DIAPH3: variants seen among roughly 807,000 people sequenced by gnomAD.
DIAPH3 encodes the protein protein diaphanous homolog 3.
Under a neutral mutation model 144.3 loss-of-function variants are expected in DIAPH3, and 117 were observed. The ratio of observed to expected loss-of-function variants is 0.81; its 90% CI spans 0.70 to 0.95. The LOEUF is 0.95. Ranked by LOEUF, DIAPH3 falls within the 40% of genes least tolerant of loss-of-function variation. The pLI is 0.00. For missense variants in DIAPH3, 1,421 were observed against 1,412.7 expected (o/e 1.01, Z -0.09); for synonymous variants, 519 against 488.9 (o/e 1.06, Z -0.81).
chr13:59,828,552 C>T (rs952355684), intron 24 of DIAPH3, among the ~76,000 whole-genome samples: 5 of 150,648 alleles, frequency 3.3e-5, no homozygotes, highest in African/African-American at 1.2e-4. Context: ...AGTCTTAGCC[C>T]TACCAACTCT....
intron 20 of DIAPH3, among the ~76,000 whole-genome samples, chr13:59,884,782 A>G (rs1011252320): frequency 5.5e-4 from 2 of 3,664 alleles, no homozygotes; most frequent in African/African-American, 1.0e-3. Flanking sequence ...GAAAGGCTTC[A>G]AAAAAAAAAA....
At chr13:59,829,307 G>T (rs1415810652) in intron 24 of DIAPH3, among the ~76,000 whole-genome samples, 1 of 151,912 alleles carries the variant, frequency 6.6e-6, no homozygotes, top group Non-Finnish European at 1.5e-5. Context: ...TCTTCTATTG[G>T]GAGAGGGGTT....
intron 5 of DIAPH3, among the ~76,000 whole-genome samples, 172 bp downstream of exon 5, chr13:60,042,518 T>A (rs1167474223): frequency 6.6e-6 from 1 of 152,208 alleles, no homozygotes; most frequent in Non-Finnish European, 1.5e-5. Flanking sequence ...CACTCAGTAA[T>A]AAATGCAAAA....
intron 4 of DIAPH3, among the ~76,000 whole-genome samples, chr13:60,046,245 T>C (rs913622449): frequency 6.6e-6 from 1 of 152,190 alleles, no homozygotes. Flanking sequence ...CTTAATGCTT[T>C]AGTTCATTTT....
intron 3 of DIAPH3, among the ~76,000 whole-genome samples, chr13:60,096,600 T>A (rs912398422): frequency 1.3e-5 from 2 of 152,204 alleles, no homozygotes; most frequent in Admixed American, 1.3e-4. Context: ...TGTAAGTCAG[T>A]AAGGACGATC....
chr13:59,758,771 TTC>T (rs1028046618), intron 27 of DIAPH3, among the ~76,000 whole-genome samples: 17 of 151,718 alleles, frequency 1.1e-4, no homozygotes, highest in South Asian at 4.2e-4. Flanking sequence ...GGCAAGAATT[TTC>T]TCTCTCTTTT....
At position 59,991,282 on chromosome 13, in the gene DIAPH3, G is replaced by A. The variant is rs561668977; in HGVS notation, c.1245-8C>T. 1 of 1,539,206 alleles carries A rather than the reference G, an allele frequency of 6.5e-7. No individual in the cohort carries two copies. Among genetic ancestry groups the A allele is most frequent in the African/African-American group, 1.4e-5 (1 of 73,366 alleles). ...TAAACATCATATGCTTCAGTGAGTT[G>A]ATTAAGGAATATATGGATTTATTTA... On this transcript the variant is annotated splice_region_variant and splice_polypyrimidine_tract_variant and intron_variant, in intron 11 of 27. Coordinates refer to ENST00000400324, the MANE Select transcript of DIAPH3 (RefSeq NM_001042517.2).
At chr13:59,973,256 C>A (rs1406105998) in intron 15 of DIAPH3, among the ~76,000 whole-genome samples, 1 of 152,006 alleles carries the variant, frequency 6.6e-6, no homozygotes, top group African/African-American at 2.4e-5. Context: ...TACAAACAAA[C>A]CTTCAACTGA....
chr13:60,039,414 G>A (rs1346685015), intron 5 of DIAPH3, among the ~76,000 whole-genome samples: 1 of 151,592 alleles, frequency 6.6e-6, no homozygotes, highest in African/African-American at 2.4e-5. Context: ...AGGGATTCTC[G>A]TGCTTCAGCT....
chr13:59,946,806 A>C (rs978181031), intron 17 of DIAPH3, among the ~76,000 whole-genome samples: 1 of 152,210 alleles, frequency 6.6e-6, no homozygotes, highest in Non-Finnish European at 1.5e-5. Flanking sequence ...ACAACTTTAA[A>C]ATAAAATGTA....
intron 2 of DIAPH3, among the ~76,000 whole-genome samples, chr13:60,129,817 T>C (rs2059093831): frequency 6.6e-6 from 1 of 152,128 alleles, no homozygotes; most frequent in Non-Finnish European, 1.5e-5. Context: ...ACACCAGAAA[T>C]AGTTTAAAGA....
At chr13:60,060,444 T>C (rs943842753) in intron 4 of DIAPH3, among the ~76,000 whole-genome samples, 2 of 152,072 alleles carry the variant, frequency 1.3e-5, no homozygotes, top group Admixed American at 1.3e-4. Flanking sequence ...AATATTCTCT[T>C]TTATGATTAA....
intron 18 of DIAPH3, among the ~76,000 whole-genome samples, chr13:59,923,610 C>A (rs1426225642): frequency 2.6e-5 from 4 of 152,130 alleles, no homozygotes; most frequent in Non-Finnish European, 5.9e-5. Context: ...CTTCAACCAC[C>A]AATGAAATGC....
chr13:60,025,959 A>G (rs1402798571), intron 5 of DIAPH3, among the ~76,000 whole-genome samples: 1 of 152,224 alleles, frequency 6.6e-6, no homozygotes, highest in Non-Finnish European at 1.5e-5. Context: ...TATGCCTACA[A>G]TCTTGAAGTG....
chr13:59,925,009 A>G (rs2047687769), intron 17 of DIAPH3, 139 bp from the exon 18 acceptor site: 1 of 1,406,906 alleles, frequency 7.1e-7, no homozygotes, highest in Admixed American at 2.7e-5. Context: ...AAATAAAACG[A>G]TAGATATCCC....
intron 1 of DIAPH3, among the ~76,000 whole-genome samples, chr13:60,139,037 C>A (rs971989075): frequency 3.3e-5 from 5 of 152,158 alleles, no homozygotes; most frequent in Non-Finnish European, 7.3e-5. Context: ...ATCTTAACGT[C>A]AACACCAATT....
At chr13:60,085,930 A>C (rs2057731536) in intron 4 of DIAPH3, among the ~76,000 whole-genome samples, 2 of 152,086 alleles carry the variant, frequency 1.3e-5, no homozygotes, top group Non-Finnish European at 2.9e-5. Context: ...GATGAAAACA[A>C]CTCAGTGACA....
chr13:59,763,551 G>T (rs901847304), intron 27 of DIAPH3, among the ~76,000 whole-genome samples: 2 of 152,070 alleles, frequency 1.3e-5, no homozygotes, highest in African/African-American at 4.8e-5. Flanking sequence ...AGGCATGGTG[G>T]TACGTGCCTG....
chr13:59,775,577 G>A (rs1454439872), intron 25 of DIAPH3, among the ~76,000 whole-genome samples: 1 of 152,124 alleles, frequency 6.6e-6, no homozygotes, highest in Non-Finnish European at 1.5e-5. Flanking sequence ...AGATTCTGCT[G>A]TCTAAACTTA....
Sources: gnomAD v4.1 joint callset for allele counts (sites outside exome capture counted in the v4.1 genomes callset) on GRCh38, gnomAD v4.1.1 for gene constraint, MANE v1.5 for transcripts, NCBI Gene and HGNC (gene_info 2026-07-23, HGNC 2026-07-21) for gene names.